LTBP1: variants seen among roughly 807,000 people sequenced by gnomAD.
The protein encoded by LTBP1 is latent transforming growth factor beta binding protein 1.
In LTBP1, 129 loss-of-function variants were observed where a neutral mutation model predicts 207.6. That is an observed-to-expected ratio of 0.62 (90% CI 0.54 to 0.72). The LOEUF (loss-of-function observed/expected upper bound fraction) is 0.72. LTBP1 is among the 30% of genes least tolerant of loss of function. The pLI is 0.00. For synonymous variants in LTBP1, 963 were observed against 833.7 expected (o/e 1.16, Z -2.67); for missense variants, 2,281 against 2,217.2 (o/e 1.03, Z -0.58).
At chr2:33,213,565 T>G (rs778777721) in intron 7 of LTBP1, among the ~76,000 whole-genome samples, 1 of 152,206 alleles carries the variant, frequency 6.6e-6, no homozygotes, top group Non-Finnish European at 1.5e-5. Flanking sequence ...AGAAGATCTT[T>G]CCTCTACCTT....
chr2:33,262,809 CCA>C lies in LTBP1; in HGVS notation c.2509_2510del (p.Gln837ValfsTer6). 1 of 1,606,300 alleles carries C rather than the reference CCA, an allele frequency of 6.2e-7. No individual in the cohort carries two copies. Among genetic ancestry groups the C allele is most frequent in the Non-Finnish European group, 8.5e-7 (1 of 1,175,084 alleles). ...SPGISTIHLH[P>X]QFPVVIEKTS... ...AGGCATTTCCACTATTCATCTGCAT[CCA>C]CAGTTTCCAGGTAGCCTGTGTTGAT... is the stretch of plus-strand genomic sequence containing the variant. On this transcript the variant is annotated frameshift_variant, in exon 14 of 34. Coordinates refer to ENST00000404816, the MANE Select transcript of LTBP1 (RefSeq NM_206943.4). LOFTEE classifies it high-confidence loss of function.
chr2:33,175,388 A>C lies in LTBP1; in HGVS notation c.1202-11468A>C, dbSNP rs1162388895. Among the ~76,000 whole-genome samples the C allele has an allele frequency of 3.3e-5, 5 of 152,006 alleles. No individual in the cohort carries two copies. In the South Asian group the frequency reaches 6.2e-4, roughly 19 times the overall value. On this transcript the variant is annotated intron_variant, in intron 5 of 33. Coordinates refer to ENST00000404816, the MANE Select transcript of LTBP1 (RefSeq NM_206943.4). ...CAAAAGAAGCCATTTATGCAGCCAAAAGACACATGAAAAAATGCTCATCAT... is the reference window on the plus strand; with the variant it reads ...CAAAAGAAGCCATTTATGCAGCCAACAGACACATGAAAAAATGCTCATCAT...
At chr2:33,272,829 A>C (rs1465057869) in intron 15 of LTBP1, among the ~76,000 whole-genome samples, 1 of 152,184 alleles carries the variant, frequency 6.6e-6, no homozygotes, top group Non-Finnish European at 1.5e-5. Context: ...TTAAAGGAGT[A>C]ATTAATCTCA....
rs1235942553 is a variant in LTBP1 at position 33,202,060 on chromosome 2, CAG to C, written c.1701+13212_1701+13213del. Among the ~76,000 whole-genome samples the C allele has an allele frequency of 7.4e-3, 1,069 of 145,150 alleles. 7 individuals are homozygous for C. The highest frequency in any genetic ancestry group is 0.033 in the Middle Eastern group (9 of 270). ...ACACACACACACACACACACACACA[CAG>C]AGCATTCTAAAGGGCCAAATAGATA... On this transcript the variant is annotated intron_variant, in intron 7 of 33. Coordinates refer to ENST00000404816, the MANE Select transcript of LTBP1 (RefSeq NM_206943.4).
chr2:33,158,223 C>G (rs2084164126), intron 5 of LTBP1, among the ~76,000 whole-genome samples: 1 of 149,292 alleles, frequency 6.7e-6, no homozygotes, highest in African/African-American at 2.5e-5. Flanking sequence ...ATTTTGTAAA[C>G]CTTTGTTCAA....
At chr2:33,048,218 G>A (rs928121587) in intron 3 of LTBP1, among the ~76,000 whole-genome samples, 3 of 152,194 alleles carry the variant, frequency 2.0e-5, no homozygotes, top group Admixed American at 2.0e-4. Context: ...TTCATGGAAA[G>A]AGATGAAGAG....
intron 2 of LTBP1, among the ~76,000 whole-genome samples, chr2:32,950,699 CAG>C (rs1676972049): frequency 6.6e-6 from 1 of 152,068 alleles, no homozygotes; most frequent in South Asian, 2.1e-4. Context: ...CTGGGCGATG[CAG>C]AGAGACTCCA....
At chr2:33,252,573 G>C (rs2092713934) in intron 10 of LTBP1, 104 bp from the exon 11 acceptor site, 19 of 1,020,148 alleles carry the variant, frequency 1.9e-5, no homozygotes, top group Non-Finnish European at 2.7e-5. Flanking sequence ...TTATCCTGAA[G>C]TGTGGTTTTT....
intron 9 of LTBP1, among the ~76,000 whole-genome samples, chr2:33,236,293 G>A (rs1331000403): frequency 6.6e-6 from 1 of 152,188 alleles, no homozygotes; most frequent in Non-Finnish European, 1.5e-5. Context: ...GCCAGATCAT[G>A]TTTTACAGTG....
chr2:33,160,002 C>T (rs76281043), intron 5 of LTBP1, among the ~76,000 whole-genome samples: 5,054 of 152,170 alleles, frequency 0.033, 122 homozygotes, highest in Middle Eastern at 0.15. Context: ...CTACCTCAGC[C>T]GCTCGAGCTG....
At chr2:33,071,053 T>C (rs955695284) in intron 3 of LTBP1, among the ~76,000 whole-genome samples, 5 of 152,216 alleles carry the variant, frequency 3.3e-5, no homozygotes, top group African/African-American at 1.2e-4. Context: ...TCATAGTGGG[T>C]TCAGCAAGTC....
chr2:32,982,589 G>A (rs1028295687), intron 2 of LTBP1, among the ~76,000 whole-genome samples: 4 of 152,130 alleles, frequency 2.6e-5, no homozygotes, highest in African/African-American at 9.7e-5. Flanking sequence ...CACAGGTCTG[G>A]AGGGAAAAAT....
chr2:33,379,196 C>CTTTTTTTTTTTTTTTTTT (rs550839552), intron 31 of LTBP1, among the ~76,000 whole-genome samples: 3 of 108,542 alleles, frequency 2.8e-5, no homozygotes, highest in Non-Finnish European at 3.6e-5. Flanking sequence ...TTTGCCATTG[C>CTTTTTTTTTTTTTTTTTT]TTTTTTTTTT....
intron 7 of LTBP1, among the ~76,000 whole-genome samples, chr2:33,201,214 C>A (rs1355776153): frequency 3.3e-5 from 5 of 152,080 alleles, no homozygotes; most frequent in Non-Finnish European, 5.9e-5. Flanking sequence ...ATAGCAAAGA[C>A]TTGGAACCAA....
At position 33,201,897 on chromosome 2, in the gene LTBP1, G is replaced by C. The variant is rs147244339; in HGVS notation, c.1701+13046G>C. Among the ~76,000 whole-genome samples the C allele has an allele frequency of 2.2e-4, 34 of 152,274 alleles. 1 individual carries two copies. In the East Asian group the frequency reaches 6.0e-3, roughly 27 times the overall value. ...AGAGATGCCAGAAGTTGTTCCAGCA[G>C]TTCTGTTTGGACAGGAAAAATGGAA... On this transcript the variant is annotated intron_variant, in intron 7 of 33. Transcript: ENST00000404816.
intron 7 of LTBP1, among the ~76,000 whole-genome samples, chr2:33,212,957 C>T (rs991489155): frequency 1.3e-5 from 2 of 152,184 alleles, no homozygotes; most frequent in African/African-American, 4.8e-5. Context: ...CAACCTGGAC[C>T]TTCATCGTGC....
chr2:33,229,979 T>A (rs748979324), intron 9 of LTBP1, among the ~76,000 whole-genome samples: 2 of 152,214 alleles, frequency 1.3e-5, no homozygotes, highest in African/African-American at 2.4e-5. Context: ...TCTATTGAAA[T>A]TACTATTGAG....
Position 33,360,604 on chromosome 2 carries a change from T to C in LTBP1, c.4008T>C (p.Asp1336=). ...QCRSRTSTDL[D]VDVDQPKEEK... The stretch of plus-strand genomic sequence containing the variant: ...TTTCTCTACTCCATTTAGATTTAGA[T>C]GTAGATGTAGATCAACCCAAAGAAG... The change falls in exon 27 of 34, where the codon GAT becomes GAC. Residue 1336 remains aspartate, a synonymous_variant. Transcript: ENST00000404816. 13 of 1,609,886 alleles carry C rather than the reference T, an allele frequency of 8.1e-6. No individual in the cohort carries two copies. Among genetic ancestry groups the C allele is most frequent in the Non-Finnish European group, 1.1e-5 (13 of 1,176,174 alleles).
intron 31 of LTBP1, among the ~76,000 whole-genome samples, chr2:33,370,263 TAC>T (rs1183253993): frequency 3.3e-5 from 5 of 152,232 alleles, no homozygotes; most frequent in African/African-American, 1.2e-4. Context: ...TTATAAAATC[TAC>T]AGTTACCTAA....
Sources: allele counts gnomAD v4.1 joint callset (sites outside exome capture counted in the v4.1 genomes callset), GRCh38; gene constraint gnomAD v4.1.1; transcripts MANE v1.5; gene names NCBI Gene and HGNC (gene_info 2026-07-23, HGNC 2026-07-21).